Variants in CBFA2T2 observed in about 807,000 individuals in gnomAD.
CBFA2T2 encodes the protein protein CBFA2T2.
A neutral mutation model predicts 62.2 loss-of-function variants in CBFA2T2; 11 were observed. That is an observed-to-expected ratio of 0.18 (90% CI 0.11 to 0.29). The LOEUF (loss-of-function observed/expected upper bound fraction) is 0.29, where lower values mean the gene tolerates loss of function less well. Ranked by LOEUF, CBFA2T2 falls within the 10% of genes least tolerant of loss-of-function variation. CBFA2T2 has a pLI of 1.00. For missense variants in CBFA2T2, 592 were observed against 774.1 expected, an observed-to-expected ratio of 0.76 and a Z score of 2.79; for synonymous variants, 295 against 287.5, an observed-to-expected ratio of 1.03 and a Z score of -0.27.
intron 8 of CBFA2T2, among the ~76,000 whole-genome samples, chr20:33,632,036 T>TTGTTTGTTTGTTCG (rs2016472881): frequency 1.3e-5 from 2 of 152,092 alleles, no homozygotes; most frequent in South Asian, 4.2e-4. Context: ...TTCTTTTTGT[T>TTGTTTGTTTGTTCG]TGTTTGTTTG....
At chr20:33,523,758 C>A (rs922999584) in intron 1 of CBFA2T2, among the ~76,000 whole-genome samples, 2 of 152,148 alleles carry the variant, frequency 1.3e-5, no homozygotes, top group African/African-American at 4.8e-5. Flanking sequence ...GCATGATCCT[C>A]ACCGCAACCT....
At chr20:33,583,950 G>GTTTA (rs751673240) in intron 1 of CBFA2T2, among the ~76,000 whole-genome samples, 8 of 151,670 alleles carry the variant, frequency 5.3e-5, no homozygotes, top group South Asian at 4.2e-4. Flanking sequence ...TTGTTTGTTT[G>GTTTA]TTTATTTATT....
intron 5 of CBFA2T2, chr20:33,623,832 C>T: frequency 1.4e-6 from 1 of 717,296 alleles, no homozygotes; most frequent in Non-Finnish European, 2.6e-6. Context: ...TTTTCGGGAA[C>T]TCTTCAGATG....
At chr20:33,592,144 C>T (rs78216246) in intron 1 of CBFA2T2, among the ~76,000 whole-genome samples, 4,258 of 152,034 alleles carry the variant, frequency 0.028, 190 homozygotes, top group African/African-American at 0.097. Flanking sequence ...GGGCGGATCA[C>T]GTGATATCAG....
intron 1 of CBFA2T2, among the ~76,000 whole-genome samples, chr20:33,551,632 G>A (rs2012744521): frequency 6.6e-6 from 1 of 152,026 alleles, no homozygotes; most frequent in Non-Finnish European, 1.5e-5. Flanking sequence ...CTGGGTTAAA[G>A]CAATTCTTGT....
chr20:33,577,288 T>C (rs1332270795), intron 1 of CBFA2T2, among the ~76,000 whole-genome samples: 1 of 152,214 alleles, frequency 6.6e-6, no homozygotes, highest in African/African-American at 2.4e-5. Context: ...TTCTGGATTG[T>C]TGATTTTGAG....
intron 1 of CBFA2T2, among the ~76,000 whole-genome samples, chr20:33,504,742 A>T (rs914026061): frequency 1.4e-4 from 22 of 152,162 alleles, no homozygotes; most frequent in African/African-American, 5.1e-4. Flanking sequence ...ATGTTTTCCA[A>T]AATGGCTATA....
chr20:33,498,304 T>A (rs1319326807), intron 1 of CBFA2T2, among the ~76,000 whole-genome samples: 1 of 151,260 alleles, frequency 6.6e-6, no homozygotes, highest in Non-Finnish European at 1.5e-5. Flanking sequence ...TGGAGTGCAG[T>A]GGCACTGGAG....
chr20:33,562,563 T>C, intron 1 of CBFA2T2: 1 of 985,884 alleles, frequency 1.0e-6, no homozygotes, highest in African/African-American at 1.7e-5. Context: ...AAGGCTGGTC[T>C]CCGATTGAGC....
intron 1 of CBFA2T2, among the ~76,000 whole-genome samples, chr20:33,541,335 AG>A (rs2012405211): frequency 6.6e-6 from 1 of 152,224 alleles, no homozygotes; most frequent in South Asian, 2.1e-4. Flanking sequence ...TGATTTTAGC[AG>A]GGAATGTGAA....
chr20:33,526,494 G>A (rs2011891306), intron 1 of CBFA2T2, among the ~76,000 whole-genome samples: 1 of 152,112 alleles, frequency 6.6e-6, no homozygotes, highest in Non-Finnish European at 1.5e-5. Flanking sequence ...TGATGGATTT[G>A]TGACCTGTTT....
intron 1 of CBFA2T2, among the ~76,000 whole-genome samples, chr20:33,541,325 T>C (rs1031437161): frequency 2.0e-5 from 3 of 152,356 alleles, no homozygotes; most frequent in African/African-American, 7.2e-5. Flanking sequence ...GTTAGACTCA[T>C]GATTTTAGCA....
intron 1 of CBFA2T2, among the ~76,000 whole-genome samples, chr20:33,521,407 T>C (rs1047594806): frequency 6.6e-6 from 1 of 152,218 alleles, no homozygotes; most frequent in Non-Finnish European, 1.5e-5. Context: ...TATCTTGTTA[T>C]AATAATAACT....
chr20:33,563,325 T>C (rs976436146), intron 1 of CBFA2T2, among the ~76,000 whole-genome samples: 4 of 152,160 alleles, frequency 2.6e-5, no homozygotes, highest in Admixed American at 1.3e-4. Context: ...CGTACTGTGT[T>C]CTGTAGTCCT....
chr20:33,528,051 G>C (rs1394793637), intron 1 of CBFA2T2, among the ~76,000 whole-genome samples: 1 of 151,744 alleles, frequency 6.6e-6, no homozygotes, highest in East Asian at 1.9e-4. Flanking sequence ...TTTTCTTTTT[G>C]TAGAGACAAG....
intron 1 of CBFA2T2, among the ~76,000 whole-genome samples, chr20:33,602,437 TAAA>T (rs199791529): frequency 3.0e-5 from 4 of 132,474 alleles, no homozygotes; most frequent in South Asian, 2.5e-4. Context: ...AGTCTCTGAT[TAAA>T]AAAAAAAAAA....
chr20:33,590,121 C>T (rs564344837), intron 1 of CBFA2T2, among the ~76,000 whole-genome samples: 1 of 151,874 alleles, frequency 6.6e-6, no homozygotes, highest in African/African-American at 2.4e-5. Flanking sequence ...TGGCATGCAC[C>T]TATAGTTCCA....
intron 8 of CBFA2T2, among the ~76,000 whole-genome samples, chr20:33,632,699 G>A (rs892541297): frequency 2.6e-5 from 4 of 151,048 alleles, no homozygotes; most frequent in Admixed American, 6.6e-5. Flanking sequence ...CACCCGCCTC[G>A]TCCTCCCGAA....
At chr20:33,494,243 GTATATA>G (rs869164142) in intron 1 of CBFA2T2, among the ~76,000 whole-genome samples, 85 of 30,310 alleles carry the variant, frequency 2.8e-3, no homozygotes, top group South Asian at 9.4e-3. Context: ...ATATATATGT[GTATATA>G]TATATATATA....
Sources: gnomAD v4.1 joint callset for allele counts (sites outside exome capture counted in the v4.1 genomes callset) on GRCh38, gnomAD v4.1.1 for gene constraint, MANE v1.5 for transcripts, NCBI Gene and HGNC (gene_info 2026-07-23, HGNC 2026-07-21) for gene names.